The following DGKB variants were observed in gnomAD, a reference collection of about 807,000 sequenced individuals.
DGKB encodes the protein diacylglycerol kinase beta.
A neutral mutation model predicts 114.3 loss-of-function variants in DGKB; 67 were observed. The observed-to-expected ratio is 0.59, with a 90% CI of 0.48 to 0.72. DGKB has a LOEUF of 0.72. DGKB is among the 30% of genes least tolerant of loss of function. The probability of loss-of-function intolerance (pLI) is 0.00; values close to 1 mark genes in which losing one functional copy is unlikely to be tolerated. For synonymous variants in DGKB, 398 were observed against 323.1 expected, an observed-to-expected ratio of 1.23 and a Z score of -2.49; for missense variants, 907 against 975.2, an observed-to-expected ratio of 0.93 and a Z score of 0.93.
intron 21 of DGKB, among the ~76,000 whole-genome samples, chr7:14,428,070 T>TA (rs764903546): frequency 2.6e-5 from 4 of 152,066 alleles, no homozygotes; most frequent in Non-Finnish European, 5.9e-5. Flanking sequence ...GAATATTCAA[T>TA]AAAAAATATT....
chr7:14,543,015 A>G (rs544340942), intron 20 of DGKB, among the ~76,000 whole-genome samples: 2 of 152,068 alleles, frequency 1.3e-5, no homozygotes, highest in African/African-American at 4.8e-5. Flanking sequence ...CTAGTGTTAC[A>G]CTCTGGGTTG....
At chr7:14,873,326 T>C (rs1333201319) in intron 1 of DGKB, among the ~76,000 whole-genome samples, 3 of 152,108 alleles carry the variant, frequency 2.0e-5, no homozygotes, top group Admixed American at 6.5e-5. Flanking sequence ...AAAAGACAAA[T>C]AGGCATTTTC....
At chr7:14,358,075 G>T (rs1814938042) in intron 21 of DGKB, among the ~76,000 whole-genome samples, 1 of 152,004 alleles carries the variant, frequency 6.6e-6, no homozygotes, top group Non-Finnish European at 1.5e-5. Context: ...GTGTCTTGGG[G>T]TTGCTCTTCT....
At chr7:14,678,126 G>T (rs989974725) in intron 12 of DGKB, among the ~76,000 whole-genome samples, 3 of 152,018 alleles carry the variant, frequency 2.0e-5, no homozygotes, top group African/African-American at 7.2e-5. Flanking sequence ...TCTACTGTAA[G>T]AATAGCATAT....
intron 23 of DGKB, among the ~76,000 whole-genome samples, chr7:14,262,433 A>G (rs1796919947): frequency 6.6e-6 from 1 of 152,206 alleles, no homozygotes; most frequent in African/African-American, 2.4e-5. Flanking sequence ...ACACAATGAA[A>G]AGAAGCTGTG....
At chr7:14,286,498 T>C (rs1473387616) in intron 23 of DGKB, among the ~76,000 whole-genome samples, 4 of 152,276 alleles carry the variant, frequency 2.6e-5, no homozygotes, top group Non-Finnish European at 4.4e-5. Context: ...TGGTTAACTA[T>C]CGCTATTTTA....
chr7:14,491,659 T>A (rs2128933842), intron 20 of DGKB, among the ~76,000 whole-genome samples: 1 of 152,240 alleles, frequency 6.6e-6, no homozygotes, highest in African/African-American at 2.4e-5. Flanking sequence ...TGTCCATAAT[T>A]CTATTCTTAA....
chr7:14,150,291 C>T (rs1380661716), intron 25 of DGKB, among the ~76,000 whole-genome samples: 2 of 151,980 alleles, frequency 1.3e-5, no homozygotes, highest in East Asian at 3.9e-4. Context: ...AAAGAAGCAC[C>T]ACCTCATTAA....
Position 14,146,391 on chromosome 7 carries a change from A to G in DGKB, c.*2740T>C, listed in dbSNP as rs904566203. On this transcript the variant is annotated 3_prime_UTR_variant, in exon 26 of 26. Transcript: ENST00000402815. The stretch of plus-strand genomic sequence containing the variant: ...CTGCTGTTAAGTCCAGCATTAATTT[A>G]CATTTAAGAGTTTCAGCCACTTAAA... 1 of 152,188 alleles carries G rather than the reference A, an allele frequency of 6.6e-6. No homozygotes were observed. Among genetic ancestry groups the G allele is most frequent in the Non-Finnish European group, 1.5e-5 (1 of 68,036 alleles). 9.4% of individuals were successfully genotyped at this position (152,188 alleles called of 1,614,324 possible).
At chr7:14,525,325 C>T (rs1178708623) in intron 20 of DGKB, among the ~76,000 whole-genome samples, 1 of 152,072 alleles carries the variant, frequency 6.6e-6, no homozygotes, top group East Asian at 1.9e-4. Flanking sequence ...CTTCATTTGT[C>T]CCAGGGAAGC....
intron 23 of DGKB, among the ~76,000 whole-genome samples, chr7:14,213,243 G>C (rs1299605231): frequency 6.6e-6 from 1 of 151,924 alleles, no homozygotes; most frequent in Admixed American, 6.6e-5. Context: ...ATATCCCTCT[G>C]TTAGAGTTTC....
chr7:14,711,497 G>A (rs1827343225), intron 6 of DGKB, among the ~76,000 whole-genome samples: 1 of 152,002 alleles, frequency 6.6e-6, no homozygotes, highest in Non-Finnish European at 1.5e-5. Context: ...GTTTTCTATT[G>A]AAGTACCACT....
At chr7:14,338,461 G>T in intron 23 of DGKB, 54 bp downstream of exon 23, 2 of 1,113,996 alleles carry the variant, frequency 1.8e-6, no homozygotes, top group East Asian at 5.1e-5. Flanking sequence ...TTTTAAAGAA[G>T]CCTTTGAAAA....
At chr7:14,783,792 G>C (rs10270111) in intron 2 of DGKB, among the ~76,000 whole-genome samples, 34,164 of 152,104 alleles carry the variant, frequency 0.22, 4,291 homozygotes, top group East Asian at 0.37. Flanking sequence ...AACAGGCCTT[G>C]ATAGATTCAA....
At chr7:14,536,268 T>C (rs530662647) in intron 20 of DGKB, among the ~76,000 whole-genome samples, 7 of 152,232 alleles carry the variant, frequency 4.6e-5, no homozygotes, top group Admixed American at 1.3e-4. Flanking sequence ...TCCAAAAATA[T>C]AGAAGGGATA....
At chr7:14,535,265 A>G (rs1220049040) in intron 20 of DGKB, among the ~76,000 whole-genome samples, 1 of 151,852 alleles carries the variant, frequency 6.6e-6, no homozygotes, top group Non-Finnish European at 1.5e-5. Flanking sequence ...GCTACTCAGG[A>G]GGCTGAGGCA....
chr7:14,732,644 A>G (rs773620775), intron 5 of DGKB, among the ~76,000 whole-genome samples: 3 of 152,232 alleles, frequency 2.0e-5, no homozygotes, highest in Non-Finnish European at 4.4e-5. Flanking sequence ...TTGAAAAGGA[A>G]TCAGAGTTTA....
intron 12 of DGKB, among the ~76,000 whole-genome samples, chr7:14,680,489 G>C (rs543603402): frequency 1.3e-5 from 2 of 151,842 alleles, no homozygotes; most frequent in East Asian, 1.9e-4. Context: ...CAAGACCAAA[G>C]AAAAATGAAT....
chr7:14,813,722 G>A (rs1249837036), intron 2 of DGKB, among the ~76,000 whole-genome samples: 1 of 151,840 alleles, frequency 6.6e-6, no homozygotes. Flanking sequence ...TGTTTTATAT[G>A]TTTTGTGATA....
Sources: allele counts gnomAD v4.1 joint callset (sites outside exome capture counted in the v4.1 genomes callset), GRCh38; gene constraint gnomAD v4.1.1; transcripts MANE v1.5; gene names NCBI Gene and HGNC (gene_info 2026-07-23, HGNC 2026-07-21).